BBS9: variants seen among roughly 807,000 people sequenced by gnomAD.
The protein encoded by BBS9 is Bardet-Biedl syndrome 9.
In BBS9, 89 loss-of-function variants were observed where a neutral mutation model predicts 117.7. That is an observed-to-expected ratio of 0.76 (90% CI 0.64 to 0.90). BBS9 has a LOEUF of 0.90. BBS9 is among the 40% of genes least tolerant of loss of function. BBS9 has a pLI of 0.00. For synonymous variants in BBS9, 379 were observed against 370.9 expected, an observed-to-expected ratio of 1.02 and a Z score of -0.25; for missense variants, 982 against 1,042.2, an observed-to-expected ratio of 0.94 and a Z score of 0.80.
intron 4 of BBS9, among the ~76,000 whole-genome samples, chr7:33,159,093 C>T (rs1794479450): frequency 6.6e-6 from 1 of 152,124 alleles, no homozygotes; most frequent in Admixed American, 6.6e-5. Context: ...AGTCTATTTC[C>T]ACCTCCATTT....
At chr7:33,368,612 AC>A (rs1822265151) in intron 17 of BBS9, among the ~76,000 whole-genome samples, 1 of 145,702 alleles carries the variant, frequency 6.9e-6, no homozygotes, top group African/African-American at 2.6e-5. Flanking sequence ...ACACACACAC[AC>A]ACACCCATAC....
chr7:33,501,468 G>T (rs1845428535), intron 19 of BBS9, among the ~76,000 whole-genome samples: 1 of 152,168 alleles, frequency 6.6e-6, no homozygotes, highest in African/African-American at 2.4e-5. Context: ...AATGGCACAG[G>T]AATATATCCA....
chr7:33,160,938 T>C (rs2128125277), intron 4 of BBS9, among the ~76,000 whole-genome samples: 1 of 152,246 alleles, frequency 6.6e-6, no homozygotes, highest in South Asian at 2.1e-4. Flanking sequence ...AAAGCTTTTA[T>C]ACAACCAGAA....
chr7:33,611,814 C>A (rs1864891507), intron 21 of BBS9, among the ~76,000 whole-genome samples: 2 of 120,544 alleles, frequency 1.7e-5, no homozygotes, highest in African/African-American at 6.4e-5. Flanking sequence ...TACCTTAAAC[C>A]TTATATATAA....
At chr7:33,439,921 TG>T (rs1389873163) in intron 19 of BBS9, among the ~76,000 whole-genome samples, 1 of 152,192 alleles carries the variant, frequency 6.6e-6, no homozygotes, top group Non-Finnish European at 1.5e-5. Context: ...AGGACTTGAC[TG>T]TGAGGTAGGC....
intron 17 of BBS9, among the ~76,000 whole-genome samples, chr7:33,368,466 T>C (rs1384303348): frequency 6.6e-6 from 1 of 152,158 alleles, no homozygotes; most frequent in Non-Finnish European, 1.5e-5. Flanking sequence ...GCTCTTGACA[T>C]ATGTAGTATA....
intron 21 of BBS9, among the ~76,000 whole-genome samples, chr7:33,612,901 C>A (rs564613055): frequency 1.3e-5 from 2 of 152,182 alleles, no homozygotes; most frequent in African/African-American, 4.8e-5. Context: ...TGAAAAGGTG[C>A]TTTCTGATCT....
At position 33,471,631 on chromosome 7, in the gene BBS9, C is replaced by T. The variant is rs372927463; in HGVS notation, c.2116-33832C>T. Among the ~76,000 whole-genome samples, 28 of 152,298 alleles carry T rather than the reference C, an allele frequency of 1.8e-4. No homozygotes were observed. In the South Asian group the frequency reaches 5.6e-3, roughly 30 times the overall value. ...CTCCTTAGCTGTCCACTGTGCTTTC[C>T]ACCACACCACATTGCCAGAGGCAAT... On this transcript the variant is annotated intron_variant, in intron 19 of 22. Transcript: ENST00000242067.
At chr7:33,517,651 C>T (rs1353978812) in intron 20 of BBS9, among the ~76,000 whole-genome samples, 1 of 152,212 alleles carries the variant, frequency 6.6e-6, no homozygotes, top group South Asian at 2.1e-4. Flanking sequence ...AAGTCAACTA[C>T]TCGGGCTTTT....
chr7:33,484,299 A>G (rs1434530077), intron 19 of BBS9, among the ~76,000 whole-genome samples: 1 of 152,218 alleles, frequency 6.6e-6, no homozygotes, highest in African/African-American at 2.4e-5. Flanking sequence ...GAAAAAATAT[A>G]TATTTTATAT....
intron 13 of BBS9, among the ~76,000 whole-genome samples, chr7:33,350,650 A>G (rs186805945): frequency 3.9e-5 from 6 of 152,262 alleles, no homozygotes; most frequent in Admixed American, 3.9e-4. Context: ...CCTCGAAGTA[A>G]AGAACAGCAG....
chr7:33,178,144 A>C (rs1797599475), intron 5 of BBS9, among the ~76,000 whole-genome samples: 1 of 152,182 alleles, frequency 6.6e-6, no homozygotes, highest in Non-Finnish European at 1.5e-5. Flanking sequence ...GCTGCTGTAC[A>C]GGGTTGTGTG....
chr7:33,158,968 G>T (rs1180610133), intron 4 of BBS9, among the ~76,000 whole-genome samples: 1 of 133,134 alleles, frequency 7.5e-6, no homozygotes, highest in Admixed American at 7.6e-5. Flanking sequence ...ATAGAATGAG[G>T]TACAGAAACG....
chr7:33,135,633 T>C (rs1790336176), intron 1 of BBS9, among the ~76,000 whole-genome samples: 1 of 152,240 alleles, frequency 6.6e-6, no homozygotes, highest in African/African-American at 2.4e-5. Flanking sequence ...TTGTTCTTTT[T>C]TAATTTTGAG....
At chr7:33,404,623 A>G (rs890549776) in intron 19 of BBS9, among the ~76,000 whole-genome samples, 3 of 149,948 alleles carry the variant, frequency 2.0e-5, no homozygotes, top group Non-Finnish European at 4.5e-5. Context: ...ATGTGAGTTC[A>G]CTCATGATTT....
chr7:33,141,560 G>A (rs566212255), intron 1 of BBS9, among the ~76,000 whole-genome samples: 1 of 152,248 alleles, frequency 6.6e-6, no homozygotes, highest in East Asian at 1.9e-4. Context: ...TAGAGATGGG[G>A]TCTCCCTATG....
chr7:33,325,324 T>C (rs1002080989), intron 9 of BBS9, among the ~76,000 whole-genome samples: 1 of 152,202 alleles, frequency 6.6e-6, no homozygotes, highest in African/African-American at 2.4e-5. Context: ...TTCTGCTTGA[T>C]TCTTTTAAAT....
intron 16 of BBS9, among the ~76,000 whole-genome samples, 199 bp from the exon 17 acceptor site, chr7:33,367,568 C>T (rs530670167): frequency 2.0e-5 from 3 of 152,102 alleles, no homozygotes; most frequent in Admixed American, 6.6e-5. Context: ...TAAATGACTC[C>T]AGAGTTTTAG....
intron 21 of BBS9, among the ~76,000 whole-genome samples, chr7:33,539,312 T>C (rs1401730257): frequency 6.6e-6 from 1 of 152,172 alleles, no homozygotes; most frequent in Admixed American, 6.5e-5. Flanking sequence ...CAGACAATAG[T>C]GGCTCAGAGC....
Sources: allele counts gnomAD v4.1 joint callset (sites outside exome capture counted in the v4.1 genomes callset), GRCh38; gene constraint gnomAD v4.1.1; transcripts MANE v1.5; gene names NCBI Gene and HGNC (gene_info 2026-07-23, HGNC 2026-07-21).